Variants in MYO15A observed in about 807,000 individuals in gnomAD.
MYO15A encodes myosin XVA, also known as unconventional myosin-XV.
A neutral mutation model predicts 394.6 loss-of-function variants in MYO15A; 308 were observed. The observed-to-expected ratio is 0.78, with a 90% CI of 0.71 to 0.86. The LOEUF (loss-of-function observed/expected upper bound fraction) is 0.86. MYO15A is among the 40% of genes least tolerant of loss of function. The probability of loss-of-function intolerance (pLI) is 0.00; values close to 1 mark genes in which losing one functional copy is unlikely to be tolerated. For missense variants in MYO15A, 4,606 were observed against 4,799.1 expected (o/e 0.96, Z 1.19); for synonymous variants, 1,957 against 2,003.8 (o/e 0.98, Z 0.62).
intron 1 of MYO15A, among the ~76,000 whole-genome samples, chr17:18,115,573 G>A (rs919310684): frequency 2.6e-5 from 4 of 151,916 alleles, no homozygotes; most frequent in African/African-American, 9.7e-5. Context: ...AGCCAAGATC[G>A]CACCATCGCA....
In MYO15A at chr17:18,167,598, T is replaced by G. The variant is rs1005612067; in HGVS notation, c.9957T>G (p.Pro3319=). 6.2e-7 allele frequency: 1 copy of G among 1,602,662 alleles called. No homozygotes were observed. The highest frequency in any genetic ancestry group is 1.3e-5 in the African/African-American group (1 of 75,070). Reference sequence around the variant, plus strand: ...CCAGGTGCTCCCTGCAGGTCCTGCCTGACTACCTGAAGGGACTCTTCAGCA... The same window carrying G: ...CCAGGTGCTCCCTGCAGGTCCTGCCGGACTACCTGAAGGGACTCTTCAGCA... The part of the protein sequence containing the change: ...YVTMHYNQVL[P]DYLKGLFSSV... Residue 3319 remains proline (P), a synonymous_variant, in exon 62 of 66, where the codon CCT becomes CCG. Coordinates refer to ENST00000647165, the MANE Select transcript of MYO15A (RefSeq NM_016239.4).
chr17:18,128,534 T>G (rs2046094753), intron 7 of MYO15A, among the ~76,000 whole-genome samples: 2 of 152,152 alleles, frequency 1.3e-5, no homozygotes, highest in Non-Finnish European at 2.9e-5. Flanking sequence ...GGGTCTCCCA[T>G]CCCAGCCCAG....
At chr17:18,142,365 GGTGGA>G (rs2046397955) in intron 24 of MYO15A, 111 bp downstream of exon 24, 3 of 1,277,008 alleles carry the variant, frequency 2.3e-6, no homozygotes, top group Non-Finnish European at 3.3e-6. Flanking sequence ...GCAAGCTGAG[GGTGGA>G]GGCCTCTGCA....
intron 18 of MYO15A, 172 bp from the exon 19 acceptor site, chr17:18,139,362 A>C: frequency 1.3e-6 from 1 of 741,682 alleles, no homozygotes. Flanking sequence ...GGTGAGGCCA[A>C]GACCCAGGTT....
Position 18,159,258 on chromosome 17 carries a change from G to C in MYO15A, c.9157-17G>C. 1 of 1,613,888 alleles carries C rather than the reference G, an allele frequency of 6.2e-7. No individual in the cohort carries two copies. The highest frequency in any genetic ancestry group is 8.5e-7 in the Non-Finnish European group (1 of 1,179,858). ...CGTGTCCCTCCTCCATCATGACACA[G>C]CCCTCTTCCCCCACAGACTCCCCTC... On this transcript the variant is annotated splice_polypyrimidine_tract_variant and intron_variant, in intron 53 of 65. Transcript: ENST00000647165.
chr17:18,179,165 T>C lies in MYO15A; in HGVS notation c.*295T>C, dbSNP rs1489764200. The C allele has an allele frequency of 2.0e-6, 1 of 501,082 alleles. No individual in the cohort carries two copies. The highest frequency in any genetic ancestry group is 3.7e-6 in the Non-Finnish European group (1 of 273,666). 31.0% of individuals were successfully genotyped at this position (501,082 alleles called of 1,614,324 possible). On this transcript the variant is annotated 3_prime_UTR_variant, in exon 66 of 66. Transcript: ENST00000647165. ...CATGAGGCCTCCTGCCATGTACCCA[T>C]TGCAGACCCTGCCCCTAACTCCTGC...
chr17:18,141,916 A>G, intron 23 of MYO15A, 146 bp downstream of exon 23: 1 of 1,196,000 alleles, frequency 8.4e-7, no homozygotes, highest in East Asian at 2.3e-5. Flanking sequence ...TACCTGATTC[A>G]CCAGCATCCT....
intron 61 of MYO15A, 42 bp from the exon 62 acceptor site, chr17:18,167,548 G>A (rs200999441): frequency 5.1e-5 from 81 of 1,599,450 alleles, no homozygotes; most frequent in African/African-American, 3.3e-4. Context: ...GTGCCTGCAC[G>A]CGTGCCTGCC....
chr17:18,109,306 T>C (rs559515231), intron 1 of MYO15A: 1 of 152,940 alleles, frequency 6.5e-6, no homozygotes, highest in Non-Finnish European at 1.5e-5. Context: ...CCTCAGGCAG[T>C]GAGGGCTCAG....
At chr17:18,174,148 A>T (rs2046981515) in intron 65 of MYO15A, among the ~76,000 whole-genome samples, 1 of 152,188 alleles carries the variant, frequency 6.6e-6, no homozygotes, top group South Asian at 2.1e-4. Flanking sequence ...TAGAAGGTTG[A>T]TGAGAGGGCA....
At chr17:18,156,587 C>T (rs575356890) in intron 48 of MYO15A, among the ~76,000 whole-genome samples, 1 of 152,340 alleles carries the variant, frequency 6.6e-6, no homozygotes, top group South Asian at 2.1e-4. Flanking sequence ...CCTTACCCTC[C>T]TGCCTTGGCT....
chr17:18,151,736 A>G (rs540406091), intron 40 of MYO15A, 110 bp from the exon 41 acceptor site: 1 of 1,224,944 alleles, frequency 8.2e-7, no homozygotes, highest in South Asian at 1.3e-5. Flanking sequence ...CTGGATTCTC[A>G]TTTATAATGA....
intron 12 of MYO15A, 70 bp downstream of exon 12, chr17:18,133,456 T>G: frequency 1.9e-6 from 3 of 1,582,958 alleles, no homozygotes; most frequent in Non-Finnish European, 2.6e-6. Context: ...CAAGGCCTTC[T>G]CTGTTTCCCT....
In MYO15A at chr17:18,157,067, T is replaced by C; in HGVS notation, c.8713+2T>C. The C allele has an allele frequency of 1.2e-6, 2 of 1,613,904 alleles. No homozygotes were observed. Among genetic ancestry groups the C allele is most frequent in the Non-Finnish European group, 1.7e-6 (2 of 1,179,960 alleles). On this transcript the variant is annotated splice_donor_variant, in intron 49 of 65. Coordinates refer to ENST00000647165, the MANE Select transcript of MYO15A (RefSeq NM_016239.4). LOFTEE classifies it high-confidence loss of function. ...AGCCCCTAGAGCCACCTCGAGTGGG[T>C]CAGTGCCACTGGGGTGGGCTGGGGG...
chr17:18,175,307 T>C lies in MYO15A; in HGVS notation c.10491+1386T>C, dbSNP rs1337336843. Among the ~76,000 whole-genome samples the C allele has an allele frequency of 2.7e-5, 4 of 146,824 alleles. No homozygotes were observed. In the South Asian group the frequency reaches 6.5e-4, roughly 24 times the overall value. ...TCTAGACTATCTTTTTTTTTTTTTT[T>C]TGAGGCAAAGTCTTGCTCTGTTGCC... On this transcript the variant is annotated intron_variant, in intron 65 of 65. Transcript: ENST00000647165.
At chr17:18,159,432 A>G in intron 54 of MYO15A, 85 bp downstream of exon 54, 1 of 1,534,726 alleles carries the variant, frequency 6.5e-7, no homozygotes, top group African/African-American at 1.4e-5. Context: ...CTCCTCCCTG[A>G]TCTTCAGATT....
intron 62 of MYO15A, among the ~76,000 whole-genome samples, chr17:18,168,647 C>G (rs62073611): frequency 0.17 from 25,800 of 151,934 alleles, 2,350 homozygotes; most frequent in Middle Eastern, 0.21. Flanking sequence ...CTCAAGTAAC[C>G]CTCCTGCCTC....
intron 3 of MYO15A, 199 bp downstream of exon 3, chr17:18,124,764 A>G (rs2046002149): frequency 1.6e-6 from 1 of 613,218 alleles, no homozygotes; most frequent in Non-Finnish European, 2.9e-6. Flanking sequence ...CCCACCACTC[A>G]CCAGCTGGCA....
In MYO15A at chr17:18,151,497, C is replaced by T. The variant is rs773529390; in HGVS notation, c.7757C>T (p.Pro2586Leu). 9 of 1,614,212 alleles carry T rather than the reference C, an allele frequency of 5.6e-6. No homozygotes were observed. Among genetic ancestry groups the T allele is most frequent in the South Asian group, 4.4e-5 (4 of 91,088 alleles). Residue 2586 changes from proline (P) to leucine (L), a missense_variant, in exon 40 of 66, where the codon CCG becomes CTG. Coordinates refer to ENST00000647165, the MANE Select transcript of MYO15A (RefSeq NM_016239.4). The part of the protein sequence containing the change: ...IKNIVRQYQQ[P>L]FRGGRPEALR... Reference sequence around the variant, plus strand: ...AATATTGTCAGGCAGTACCAGCAGCCGTTCCGGGGAGGCCGGCCTGAGGCC... The same window carrying T: ...AATATTGTCAGGCAGTACCAGCAGCTGTTCCGGGGAGGCCGGCCTGAGGCC...
Sources: gnomAD v4.1 joint callset for allele counts (sites outside exome capture counted in the v4.1 genomes callset) on GRCh38, gnomAD v4.1.1 for gene constraint, MANE v1.5 for transcripts, NCBI Gene and HGNC (gene_info 2026-07-23, HGNC 2026-07-21) for gene names.